The following ZBTB32 variants were observed in gnomAD, a reference collection of about 807,000 sequenced individuals.
ZBTB32 encodes zinc finger and BTB domain containing 32.
A neutral mutation model predicts 45.3 loss-of-function variants in ZBTB32; 28 were observed. That is an observed-to-expected ratio of 0.62 (90% CI 0.46 to 0.85). The LOEUF (loss-of-function observed/expected upper bound fraction) is 0.85, where lower values mean the gene tolerates loss of function less well. Ranked by LOEUF, ZBTB32 falls within the 40% of genes least tolerant of loss-of-function variation. ZBTB32 has a pLI of 0.00. For synonymous variants in ZBTB32, 283 were observed against 255.7 expected, an observed-to-expected ratio of 1.11 and a Z score of -1.02; for missense variants, 587 against 624.4, an observed-to-expected ratio of 0.94 and a Z score of 0.64.
Position 35,716,668 on chromosome 19 carries a change from C to A in ZBTB32, c.1380C>A (p.Thr460=), listed in dbSNP as rs755053079. 50 of 1,614,066 alleles carry A rather than the reference C, an allele frequency of 3.1e-5. No homozygotes were observed. Among genetic ancestry groups the A allele is most frequent in the Non-Finnish European group, 4.2e-5 (49 of 1,179,992 alleles). The change falls in exon 7 of 7, where the codon ACC becomes ACA. Residue 460 remains threonine (T), a synonymous_variant. Transcript: ENST00000392197. ...CCAGCCAACTCCCGCCCGGATGGAC[C>A]ATCCGCTCCACCTTCCTCTACTCCT... ...HSPSQLPPGW[T]IRSTFLYSSS...
At position 35,717,026 on chromosome 19, in the gene ZBTB32, T is replaced by C. The variant is rs772855239; in HGVS notation, c.*274T>C. 2.4e-5 allele frequency: 12 copies of C among 490,684 alleles called. No individual in the cohort carries two copies. Among genetic ancestry groups the C allele is most frequent in the Non-Finnish European group, 4.4e-5 (12 of 274,232 alleles). 30.4% of individuals were successfully genotyped at this position (490,684 alleles called of 1,614,324 possible). ...CATCACCATAATAAAGAGTTTCCTG[T>C]GCCCTCCCTTCAGGACTAGAAAGCC... On this transcript the variant is annotated 3_prime_UTR_variant, in exon 7 of 7. Transcript: ENST00000392197.
chr19:35,705,487 C>A (rs1327224607), intron 1 of ZBTB32, among the ~76,000 whole-genome samples: 1 of 152,090 alleles, frequency 6.6e-6, no homozygotes, highest in Non-Finnish European at 1.5e-5. Flanking sequence ...AGTATGGAGT[C>A]CAGGTTGGAT....
At position 35,715,333 on chromosome 19, in the gene ZBTB32, C is replaced by T; in HGVS notation, c.707C>T (p.Ala236Val). Reference protein sequence around the residue: ...LRKLPGPLPPAGSLQTSVTPR... With the variant: ...LRKLPGPLPPVGSLQTSVTPR... Reference sequence around the variant, plus strand: ...AAGCTCCCTGGCCCCCTTCCCCCAGCAGGCTCCCTGCAAACCAGCGTCACC... The same window carrying T: ...AAGCTCCCTGGCCCCCTTCCCCCAGTAGGCTCCCTGCAAACCAGCGTCACC... Residue 236 changes from alanine to valine, a missense_variant, in exon 3 of 7, where the codon GCA becomes GTA. Transcript: ENST00000392197. 1.2e-6 allele frequency: 2 copies of T among 1,600,282 alleles called. No homozygotes were observed. Among genetic ancestry groups the T allele is most frequent in the Non-Finnish European group, 8.5e-7 (1 of 1,174,752 alleles).
chr19:35,710,498 TGG>T (rs1477964038), intron 1 of ZBTB32, among the ~76,000 whole-genome samples: 2 of 152,086 alleles, frequency 1.3e-5, no homozygotes, highest in African/African-American at 4.8e-5. Flanking sequence ...AGACCAGGCA[TGG>T]TGGCTCACAC....
intron 1 of ZBTB32, among the ~76,000 whole-genome samples, chr19:35,712,018 G>A (rs1273985870): frequency 1.3e-4 from 15 of 115,564 alleles, no homozygotes; most frequent in African/African-American, 4.1e-4. Context: ...GAGCGAGACT[G>A]CGTCTCAAAA....
chr19:35,708,215 G>A (rs182651088), intron 1 of ZBTB32, among the ~76,000 whole-genome samples: 180 of 152,238 alleles, frequency 1.2e-3, no homozygotes, highest in Non-Finnish European at 6.0e-4. Flanking sequence ...CAAAATCAGG[G>A]TCTAGCGTGT....
chr19:35,704,901 G>T (rs934153588), intron 1 of ZBTB32, among the ~76,000 whole-genome samples: 1 of 152,228 alleles, frequency 6.6e-6, no homozygotes, highest in Non-Finnish European at 1.5e-5. Flanking sequence ...GGGGAAGTTG[G>T]AGGTCCTTAA....
Position 35,706,849 on chromosome 19 carries a change from G to A in ZBTB32, c.-222+2226G>A, listed in dbSNP as rs538487212. On this transcript the variant is annotated intron_variant, in intron 1 of 6. Coordinates refer to ENST00000392197, the MANE Select transcript of ZBTB32 (RefSeq NM_014383.3). Reference sequence around the variant, plus strand: ...GCTGTTCAGTGGTATTTATGCTTTCGGAGTGCCTTCAGTACACCCAGAGTT... The same window carrying A: ...GCTGTTCAGTGGTATTTATGCTTTCAGAGTGCCTTCAGTACACCCAGAGTT... 2.6e-5 allele frequency among the ~76,000 whole-genome samples: 4 copies of A among 152,202 alleles called. No homozygotes were observed. In the East Asian group the frequency reaches 5.8e-4, roughly 22 times the overall value.
In ZBTB32 at chr19:35,715,348, C is replaced by T; in HGVS notation, c.722C>T (p.Thr241Ile). The T allele has an allele frequency of 1.9e-6, 3 of 1,609,484 alleles. No homozygotes were observed. The highest frequency in any genetic ancestry group is 2.5e-6 in the Non-Finnish European group (3 of 1,178,454). The change falls in exon 3 of 7, where the codon ACC becomes ATC. Residue 241 changes from threonine (T) to isoleucine (I), a missense_variant. By Grantham distance (89) the Thr-to-Ile change is moderately conservative. Coordinates refer to ENST00000392197, the MANE Select transcript of ZBTB32 (RefSeq NM_014383.3). ...GPLPPAGSLQ[T>I]SVTPRPSWAE... ...CTTCCCCCAGCAGGCTCCCTGCAAA[C>T]CAGCGTCACCCCTAGGCCCTCGTGG...
In ZBTB32 at chr19:35,715,983, G is replaced by A; in HGVS notation, c.1000G>A (p.Glu334Lys). The A allele has an allele frequency of 6.2e-7, 1 of 1,613,044 alleles. No homozygotes were observed. Among genetic ancestry groups the A allele is most frequent in the Non-Finnish European group, 8.5e-7 (1 of 1,179,964 alleles). Residue 334 changes from glutamate (E) to lysine (K), a missense_variant, in exon 5 of 7, where the codon GAA (glutamate) becomes AAA (lysine). Physicochemically the swap from Glu to Lys is moderately conservative, Grantham distance 56 (BLOSUM62 1). Coordinates refer to ENST00000392197, the MANE Select transcript of ZBTB32 (RefSeq NM_014383.3). ...GPAQLSPGEM[E>K]ESDQGHTGAL... ...CGCACAGCTCAGCCCTGGGGAGATGGAAGAGTCTGATCAGGGGCACACAGG... is the reference window on the plus strand; with the variant it reads ...CGCACAGCTCAGCCCTGGGGAGATGAAAGAGTCTGATCAGGGGCACACAGG...
At position 35,716,746 on chromosome 19, in the gene ZBTB32, C is replaced by G. The variant is rs1305982273; in HGVS notation, c.1458C>G (p.Thr486=). 1 of 1,601,860 alleles carries G rather than the reference C, an allele frequency of 6.2e-7. No homozygotes were observed. The highest frequency in any genetic ancestry group is 1.7e-5 in the Admixed American group (1 of 59,770). Residue 486 remains threonine (T), a synonymous_variant, in exon 7 of 7, where the codon ACC becomes ACG. Transcript: ENST00000392197. ...STSPCCPSSS[T]T ...CTCCCTGTTGTCCTTCTTCCTCCACCACCTGACGGGGTGTCGGTAGCGTCT... is the reference window on the plus strand; with the variant it reads ...CTCCCTGTTGTCCTTCTTCCTCCACGACCTGACGGGGTGTCGGTAGCGTCT...
At position 35,714,303 on chromosome 19, in the gene ZBTB32, C is replaced by T. The variant is rs139974744; in HGVS notation, c.-104-220C>T. On this transcript the variant is annotated intron_variant, in intron 2 of 6. Coordinates refer to ENST00000392197, the MANE Select transcript of ZBTB32 (RefSeq NM_014383.3). ...ACTGCCAACTGGCAGACTTCCCGCA[C>T]GCCTGTCTTAAACCCACTACTAGAT... 1.2e-3 allele frequency: 263 copies of T among 228,552 alleles called. 5 individuals carry two copies. The highest frequency in any genetic ancestry group is 5.1e-3 in the African/African-American group (229 of 44,502). 14.2% of individuals were successfully genotyped at this position (228,552 alleles called of 1,614,324 possible). A position where few individuals can be genotyped will look rare whatever the true frequency, so the allele number is the denominator to read the frequency against.
intron 1 of ZBTB32, among the ~76,000 whole-genome samples, chr19:35,707,386 T>TTC (rs1555725007): frequency 6.7e-6 from 1 of 149,964 alleles, no homozygotes; most frequent in African/African-American, 2.5e-5. Context: ...TTTTTTTTTT[T>TTC]CGAGATGGAG....
At chr19:35,709,545 C>G (rs1171344979) in intron 1 of ZBTB32, among the ~76,000 whole-genome samples, 2 of 152,082 alleles carry the variant, frequency 1.3e-5, no homozygotes, top group Non-Finnish European at 2.9e-5. Context: ...ACATTTTTCC[C>G]TTAGTGTCCC....
Position 35,715,192 on chromosome 19 carries a change from C to A in ZBTB32, c.566C>A (p.Thr189Asn). The stretch of plus-strand genomic sequence containing the variant: ...ACGCAGGAGGCTCAGCAGGAACAGA[C>A]CAGGTCAAAGGAGAAACGCCTCCAA... Reference protein sequence around the residue: ...GATQEAQQEQTRSKEKRLQAP... With the variant: ...GATQEAQQEQNRSKEKRLQAP... The change falls in exon 3 of 7, where the codon ACC (threonine) becomes AAC (asparagine). Residue 189 changes from threonine to asparagine, a missense_variant. By Grantham distance (65) the Thr-to-Asn change is moderately conservative. Transcript: ENST00000392197. 1 of 1,612,106 alleles carries A rather than the reference C, an allele frequency of 6.2e-7. No individual in the cohort carries two copies. Among genetic ancestry groups the A allele is most frequent in the Non-Finnish European group, 8.5e-7 (1 of 1,179,654 alleles).
In ZBTB32 at chr19:35,716,611, C is replaced by T. The variant is rs1349000982; in HGVS notation, c.1323C>T (p.Ala441=). Residue 441 remains alanine (A), a synonymous_variant, in exon 7 of 7, where the codon GCC becomes GCT. Coordinates refer to ENST00000392197, the MANE Select transcript of ZBTB32 (RefSeq NM_014383.3). ...SLCGAGCPSL[A]SMQAHMRGHS... ...GCGGGGCCGGCTGTCCCAGCCTGGC[C>T]TCCATGCAGGCGCACATGCGCGGTC... 2 of 1,613,494 alleles carry T rather than the reference C, an allele frequency of 1.2e-6. No homozygotes were observed. The highest frequency in any genetic ancestry group is 8.5e-7 in the Non-Finnish European group (1 of 1,179,946).
intron 1 of ZBTB32, among the ~76,000 whole-genome samples, chr19:35,709,650 C>T (rs534684909): frequency 3.2e-4 from 48 of 152,200 alleles, no homozygotes; most frequent in African/African-American, 7.7e-4. Flanking sequence ...GATGCCAAGG[C>T]GGGCAGATCA....
intron 1 of ZBTB32, among the ~76,000 whole-genome samples, chr19:35,706,228 C>CAAAAAAAAAAAAAAAA (rs11331490): frequency 7.6e-6 from 1 of 130,734 alleles, no homozygotes; most frequent in East Asian, 2.4e-4. Flanking sequence ...AACTCCATCT[C>CAAAAAAAAAAAAAAAA]AAAAAAAAAA....
chr19:35,714,884 G>A lies in ZBTB32; in HGVS notation c.258G>A (p.Gln86=). Residue 86 remains glutamine, a synonymous_variant, in exon 3 of 7, where the codon CAG becomes CAA. Coordinates refer to ENST00000392197, the MANE Select transcript of ZBTB32 (RefSeq NM_014383.3). ...NFVYGESVEL[Q]PGELRPLQEA... ...TGTATGGGGAGAGTGTAGAGCTGCA[G>A]CCTGGAGAGCTAAGGCCCCTTCAGG... 1.3e-6 allele frequency: 2 copies of A among 1,595,288 alleles called. No homozygotes were observed. Among genetic ancestry groups the A allele is most frequent in the Non-Finnish European group, 1.7e-6 (2 of 1,169,838 alleles).
Sources: gnomAD v4.1 joint callset for allele counts (sites outside exome capture counted in the v4.1 genomes callset) on GRCh38, gnomAD v4.1.1 for gene constraint, MANE v1.5 for transcripts, NCBI Gene and HGNC (gene_info 2026-07-23, HGNC 2026-07-21) for gene names.